BRD4: variants seen among roughly 807,000 people sequenced by gnomAD.
BRD4 encodes the protein bromodomain-containing protein 4.
A neutral mutation model predicts 142.1 loss-of-function variants in BRD4; 16 were observed. The observed-to-expected ratio is 0.11, with a 90% CI of 0.08 to 0.17. The LOEUF (loss-of-function observed/expected upper bound fraction) is 0.17. Ranked by LOEUF, BRD4 falls within the 10% of genes least tolerant of loss-of-function variation. The probability of loss-of-function intolerance (pLI) is 1.00; values close to 1 mark genes in which losing one functional copy is unlikely to be tolerated. For missense variants in BRD4, 1,424 were observed against 1,810.9 expected (o/e 0.79, Z 3.88); for synonymous variants, 833 against 707.5 (o/e 1.18, Z -2.82).
chr19:15,246,230 T>C (rs1344631830), intron 11 of BRD4, among the ~76,000 whole-genome samples: 2 of 152,002 alleles, frequency 1.3e-5, no homozygotes, highest in South Asian at 2.1e-4. Flanking sequence ...AAGGGAAAGC[T>C]TGAGTAGATT....
At chr19:15,273,655 T>C (rs1599475269) in intron 1 of BRD4, among the ~76,000 whole-genome samples, 1 of 152,270 alleles carries the variant, frequency 6.6e-6, no homozygotes, top group Non-Finnish European at 1.5e-5. Flanking sequence ...TGCCCACCCA[T>C]GGATGGCCCA....
intron 8 of BRD4, 87 bp downstream of exon 8, chr19:15,256,877 A>G: frequency 3.2e-6 from 4 of 1,260,434 alleles, no homozygotes; most frequent in Non-Finnish European, 4.3e-6. Context: ...GGAACTCAGA[A>G]CCAAGAACAT....
intron 1 of BRD4, among the ~76,000 whole-genome samples, chr19:15,296,341 G>C (rs1281235292): frequency 6.6e-6 from 1 of 152,178 alleles, no homozygotes; most frequent in Non-Finnish European, 1.5e-5. Context: ...TTATATACCA[G>C]TAATGCACAA....
intron 1 of BRD4, among the ~76,000 whole-genome samples, chr19:15,322,246 T>C (rs934358179): frequency 8.5e-5 from 13 of 152,284 alleles, no homozygotes; most frequent in South Asian, 6.2e-4. Flanking sequence ...ACCATATTTG[T>C]TTCATGACCC....
chr19:15,301,378 T>C (rs573312629), intron 1 of BRD4, among the ~76,000 whole-genome samples: 7 of 147,198 alleles, frequency 4.8e-5, no homozygotes, highest in Non-Finnish European at 9.0e-5. Context: ...CTGACCAACA[T>C]GGTGAAACCC....
chr19:15,255,706 ACCAG>A (rs1190628440), intron 9 of BRD4, 114 bp from the exon 10 acceptor site: 2 of 1,320,350 alleles, frequency 1.5e-6, no homozygotes, highest in Non-Finnish European at 2.1e-6. Flanking sequence ...CCCCCCACCC[ACCAG>A]CCTTCACAGG....
At chr19:15,289,433 C>T (rs2047764380) in intron 1 of BRD4, among the ~76,000 whole-genome samples, 1 of 152,248 alleles carries the variant, frequency 6.6e-6, no homozygotes, top group Middle Eastern at 3.4e-3. Context: ...TGTCTGTAAT[C>T]CCAGCTACTC....
chr19:15,254,339 T>A (rs2047383224), intron 10 of BRD4, 77 bp from the exon 11 acceptor site: 1 of 1,252,680 alleles, frequency 8.0e-7, no homozygotes, highest in East Asian at 2.3e-5. Flanking sequence ...GCACACCCCA[T>A]CCATCTGGAG....
intron 7 of BRD4, among the ~76,000 whole-genome samples, chr19:15,259,487 A>C (rs899727915): frequency 5.9e-5 from 9 of 152,238 alleles, no homozygotes; most frequent in Admixed American, 5.9e-4. Flanking sequence ...CAAAGGCCCC[A>C]ACAACAAAGA....
At chr19:15,323,801 A>G (rs1334888194) in intron 1 of BRD4, among the ~76,000 whole-genome samples, 1 of 152,188 alleles carries the variant, frequency 6.6e-6, no homozygotes, top group Non-Finnish European at 1.5e-5. Flanking sequence ...GACCACACAT[A>G]CTAAGTAGGA....
At chr19:15,242,197 C>T (rs1406326923) in intron 14 of BRD4, among the ~76,000 whole-genome samples, 3 of 151,902 alleles carry the variant, frequency 2.0e-5, no homozygotes, top group Non-Finnish European at 4.4e-5. Context: ...GGTACACACC[C>T]AAGACAGGCA....
intron 1 of BRD4, among the ~76,000 whole-genome samples, chr19:15,276,048 A>G (rs780207272): frequency 1.3e-5 from 2 of 152,174 alleles, no homozygotes; most frequent in Non-Finnish European, 2.9e-5. Context: ...CACAAGGGAG[A>G]TCACCATAAG....
chr19:15,310,808 T>C (rs1443558240), intron 1 of BRD4, among the ~76,000 whole-genome samples: 1 of 151,798 alleles, frequency 6.6e-6, no homozygotes, highest in Non-Finnish European at 1.5e-5. Context: ...AACAGTCCTT[T>C]AGGCAGTCCT....
At position 15,244,612 on chromosome 19, in the gene BRD4, G is replaced by GAGACAGAC; in HGVS notation, c.2212-20_2212-13dup. ...TGGTGATGATGGTGCTGCAGACAGA[G>GAGACAGAC]AGACAGACAGACAGACAGGCTGATG... On this transcript the variant is annotated splice_polypyrimidine_tract_variant and intron_variant, in intron 12 of 19. Coordinates refer to ENST00000679869, the MANE Select transcript of BRD4 (RefSeq NM_001379291.1). 2 of 1,613,184 alleles carry GAGACAGAC rather than the reference G, an allele frequency of 1.2e-6. No homozygotes were observed. The highest frequency in any genetic ancestry group is 1.3e-5 in the African/African-American group (1 of 75,024).
chr19:15,308,341 C>G (rs2047935582), intron 1 of BRD4, among the ~76,000 whole-genome samples: 1 of 151,522 alleles, frequency 6.6e-6, no homozygotes, highest in Admixed American at 6.6e-5. Context: ...GTAATCCCAG[C>G]ACTTTGGGAG....
chr19:15,249,545 G>A (rs765185857), intron 11 of BRD4, among the ~76,000 whole-genome samples: 1 of 152,210 alleles, frequency 6.6e-6, no homozygotes, highest in Non-Finnish European at 1.5e-5. Context: ...AGCCTGCTCA[G>A]CTTCTAGAGA....
chr19:15,306,293 G>A (rs1186149636), intron 1 of BRD4, among the ~76,000 whole-genome samples: 2 of 152,176 alleles, frequency 1.3e-5, no homozygotes, highest in African/African-American at 4.8e-5. Flanking sequence ...CGTTGTTAAA[G>A]GGTATTGCTC....
chr19:15,300,943 G>A (rs1311413664), intron 1 of BRD4, among the ~76,000 whole-genome samples: 2 of 152,172 alleles, frequency 1.3e-5, no homozygotes, highest in Admixed American at 6.5e-5. Flanking sequence ...TTAACCAAAA[G>A]AAAGAAAAAC....
chr19:15,325,626 A>T (rs1050309784), intron 1 of BRD4, among the ~76,000 whole-genome samples: 1 of 152,200 alleles, frequency 6.6e-6, no homozygotes, highest in East Asian at 1.9e-4. Context: ...TGATTGGAGA[A>T]ATGGAAATAC....
Sources: gnomAD v4.1 joint callset for allele counts (sites outside exome capture counted in the v4.1 genomes callset) on GRCh38, gnomAD v4.1.1 for gene constraint, MANE v1.5 for transcripts, NCBI Gene and HGNC (gene_info 2026-07-23, HGNC 2026-07-21) for gene names.